Variants in CEP63 observed in about 807,000 individuals in gnomAD.
CEP63 encodes centrosomal protein 63.
A neutral mutation model predicts 89.1 loss-of-function variants in CEP63; 84 were observed. The observed-to-expected ratio is 0.94, with a 90% CI of 0.79 to 1.13. CEP63 has a LOEUF of 1.13. Ranked by LOEUF, CEP63 falls within the 50% of genes most tolerant of loss-of-function variation. The pLI, the probability that CEP63 is intolerant of heterozygous loss-of-function variation, is 0.00. For missense variants in CEP63, 838 were observed against 813.3 expected (o/e 1.03, Z -0.37); for synonymous variants, 267 against 272.5 (o/e 0.98, Z 0.20).
the CEP63 span, among the ~76,000 whole-genome samples, chr3:134,595,549 C>G: frequency 2.6e-5 from 4 of 152,092 alleles, no homozygotes; most frequent in African/African-American, 9.7e-5. Context: ...CTATGGATCA[C>G]TAGCTAGTCA....
the CEP63 span, among the ~76,000 whole-genome samples, chr3:134,680,062 G>GAC: frequency 5.6e-4 from 85 of 151,848 alleles, no homozygotes; most frequent in African/African-American, 2.0e-3. Flanking sequence ...TTAAGACACA[G>GAC]ACACACACAC....
chr3:134,599,136 A>G, the CEP63 span, among the ~76,000 whole-genome samples: 1 of 152,242 alleles, frequency 6.6e-6, no homozygotes, highest in Non-Finnish European at 1.5e-5. Context: ...TCACAGAGAC[A>G]CGGCATCACA....
downstream of CEP63, among the ~76,000 whole-genome samples, chr3:134,589,846 C>A (rs538544153): frequency 8.2e-4 from 125 of 152,208 alleles, no homozygotes; most frequent in African/African-American, 3.0e-3. Flanking sequence ...TGGAATCAAC[C>A]TAAATACTCA....
the CEP63 span, among the ~76,000 whole-genome samples, chr3:134,728,562 T>C: frequency 3.9e-5 from 6 of 152,170 alleles, no homozygotes; most frequent in African/African-American, 1.4e-4. Flanking sequence ...ACATACCAGA[T>C]ACAGGGGACA....
chr3:134,485,991 G>GCGCCCCCCC, upstream of CEP63: 1 of 938,170 alleles, frequency 1.1e-6, no homozygotes, highest in Non-Finnish European at 1.3e-6. Context: ...CTCCTGCCAC[G>GCGCCCCCCC]CCCCCCCCCC....
chr3:134,486,082 G>C lies in CEP63; in HGVS notation c.-146G>C, dbSNP rs1357880207. 1 of 985,510 alleles carries C rather than the reference G, an allele frequency of 1.0e-6. No individual in the cohort carries two copies. The highest frequency in any genetic ancestry group is 1.2e-6 in the Non-Finnish European group (1 of 830,022). The allele number at this position is 985,510 out of a possible 1,614,324, so 61.0% of individuals were successfully genotyped here. On this transcript the variant is annotated 5_prime_UTR_variant, in exon 1 of 15. Coordinates refer to ENST00000675561, the MANE Select transcript of CEP63 (RefSeq NM_001353108.3). Reference sequence around the variant, plus strand: ...GTTCATTTGCTCGCGTGCAGGGGAAGTCTGGAGAAGGCATTGTTTCAATTA... The same window carrying C: ...GTTCATTTGCTCGCGTGCAGGGGAACTCTGGAGAAGGCATTGTTTCAATTA...
the CEP63 span, among the ~76,000 whole-genome samples, chr3:134,745,117 T>C: frequency 6.6e-5 from 10 of 152,208 alleles, no homozygotes; most frequent in East Asian, 1.9e-4. Flanking sequence ...CCTCTCACCA[T>C]CTAGCACTTC....
chr3:134,724,538 T>C, the CEP63 span, among the ~76,000 whole-genome samples: 1 of 152,090 alleles, frequency 6.6e-6, no homozygotes, highest in Non-Finnish European at 1.5e-5. Context: ...CAGAAGTAGG[T>C]GGGTAATGCA....
intron 1 of CEP63, 147 bp downstream of exon 1, chr3:134,486,349 G>A (rs1935355800): frequency 9.1e-6 from 9 of 985,618 alleles, no homozygotes; most frequent in Non-Finnish European, 1.1e-5. Flanking sequence ...CATGGCTTGC[G>A]GCCGGTTTGC....
At chr3:134,697,977 G>T in the CEP63 span, among the ~76,000 whole-genome samples, 87 of 152,316 alleles carry the variant, frequency 5.7e-4, no homozygotes, top group South Asian at 1.2e-3. Flanking sequence ...GTTAGGACAC[G>T]AGTGTCAGAT....
chr3:134,652,720 A>G, the CEP63 span, among the ~76,000 whole-genome samples: 1 of 152,108 alleles, frequency 6.6e-6, no homozygotes. Flanking sequence ...GGAAGTAAGA[A>G]CTATGCATTA....
chr3:134,564,368 T>A lies in CEP63; in HGVS notation c.*2833T>A. ...TCCTAAAACTCCCCCTTTACTTGGCTACTTTATCTGGCTTGGCAAAGCTTT... is the reference window on the plus strand; with the variant it reads ...TCCTAAAACTCCCCCTTTACTTGGCAACTTTATCTGGCTTGGCAAAGCTTT... On this transcript the variant is annotated 3_prime_UTR_variant, in exon 15 of 15. Coordinates refer to ENST00000675561, the MANE Select transcript of CEP63 (RefSeq NM_001353108.3). 1 of 985,528 alleles carries A rather than the reference T, an allele frequency of 1.0e-6. No homozygotes were observed. Among genetic ancestry groups the A allele is most frequent in the Non-Finnish European group, 1.2e-6 (1 of 830,002 alleles). 61.0% of individuals were successfully genotyped at this position (985,528 alleles called of 1,614,324 possible).
downstream of CEP63, among the ~76,000 whole-genome samples, chr3:134,591,096 C>G (rs1246606407): frequency 2.0e-5 from 3 of 152,168 alleles, no homozygotes; most frequent in Non-Finnish European, 4.4e-5. Flanking sequence ...TTCTCTGAGA[C>G]CTTGAATGTT....
chr3:134,570,077 C>A (rs1294330072), intron 11 of CEP63, among the ~76,000 whole-genome samples: 1 of 152,202 alleles, frequency 6.6e-6, no homozygotes, highest in Non-Finnish European at 1.5e-5. Context: ...AGCATGGGGA[C>A]CCTGGGCCTG....
the CEP63 span, among the ~76,000 whole-genome samples, chr3:134,611,249 G>T: frequency 4.6e-5 from 7 of 152,316 alleles, no homozygotes; most frequent in South Asian, 1.0e-3. Flanking sequence ...TGCTTTCTGG[G>T]AACCTGGATG....
intron 3 of CEP63, among the ~76,000 whole-genome samples, chr3:134,517,760 A>G (rs1032195979): frequency 3.3e-5 from 5 of 152,222 alleles, no homozygotes; most frequent in African/African-American, 1.2e-4. Context: ...TTTGAATTCA[A>G]AATGAAAATA....
chr3:134,604,546 CTG>C, the CEP63 span: 4 of 1,345,744 alleles, frequency 3.0e-6, no homozygotes, highest in Admixed American at 8.5e-5. Flanking sequence ...TGTTTAACAA[CTG>C]TCTCCCTGGG....
the CEP63 span, among the ~76,000 whole-genome samples, chr3:134,775,164 C>T: frequency 6.6e-6 from 1 of 152,210 alleles, no homozygotes; most frequent in African/African-American, 2.4e-5. Context: ...TCCCTCACCT[C>T]CTGTCACAGC....
At chr3:134,706,419 C>T in the CEP63 span, among the ~76,000 whole-genome samples, 1 of 152,154 alleles carries the variant, frequency 6.6e-6, no homozygotes, top group Admixed American at 6.5e-5. Flanking sequence ...CTTGAAGGCT[C>T]TCCAGCTATG....
Sources: gnomAD v4.1 joint callset for allele counts (sites outside exome capture counted in the v4.1 genomes callset) on GRCh38, gnomAD v4.1.1 for gene constraint, MANE v1.5 for transcripts, NCBI Gene and HGNC (gene_info 2026-07-23, HGNC 2026-07-21) for gene names.